Variants in RBPJL observed in about 807,000 individuals in gnomAD.
The protein encoded by RBPJL is recombination signal binding protein for immunoglobulin kappa J region like, also known as recombining binding protein suppressor of hairless-like protein.
In RBPJL, 50 loss-of-function variants were observed where a neutral mutation model predicts 57.6. The observed-to-expected ratio is 0.87, with a 90% CI of 0.69 to 1.10. RBPJL has a LOEUF of 1.10. Among genes scored for constraint, RBPJL ranks in the 50% least tolerant of loss-of-function variants. RBPJL has a pLI of 0.00. For missense variants in RBPJL, 684 were observed against 693.7 expected (o/e 0.99, Z 0.16); for synonymous variants, 303 against 294.4 (o/e 1.03, Z -0.30).
At position 45,316,976 on chromosome 20, in the gene RBPJL, C is replaced by T. The variant is rs141143704; in HGVS notation, c.*17C>T. 438 of 1,603,800 alleles carry T rather than the reference C, an allele frequency of 2.7e-4. 3 individuals carry two copies. The African/African-American group carries it at 5.5e-3, about 20-fold the overall frequency. On this transcript the variant is annotated 3_prime_UTR_variant, in exon 12 of 12. Coordinates refer to ENST00000343694, the MANE Select transcript of RBPJL (RefSeq NM_014276.4). ...CAGACTTAGGCGCGCCCGGTAGCCC[C>T]GGCTGCCCACCCTGGAGGGCTGCGC...
In RBPJL at chr20:45,312,307, G is replaced by C; in HGVS notation, c.531G>C (p.Gly177=). ...FRLVLRLVLR[G]GRELGTFHSR... ...TGGTGCTGCGGCTGGTGCTGCGCGGGGGCCGGGAGCTGGGTACCTTCCACA... is the reference window on the plus strand; with the variant it reads ...TGGTGCTGCGGCTGGTGCTGCGCGGCGGCCGGGAGCTGGGTACCTTCCACA... The change falls in exon 6 of 12, where the codon GGG becomes GGC. Residue 177 remains glycine, a synonymous_variant. Transcript: ENST00000343694. The C allele has an allele frequency of 1.9e-6, 3 of 1,614,182 alleles. No homozygotes were observed. Among genetic ancestry groups the C allele is most frequent in the South Asian group, 1.1e-5 (1 of 91,088 alleles).
At chr20:45,308,395 C>A in intron 2 of RBPJL, 144 bp downstream of exon 2, 1 of 610,746 alleles carries the variant, frequency 1.6e-6, no homozygotes. Context: ...GGGAGGGATC[C>A]CCCCTTCCTC....
intron 2 of RBPJL, among the ~76,000 whole-genome samples, chr20:45,309,304 C>G (rs1987014829): frequency 6.6e-6 from 1 of 152,202 alleles, no homozygotes; most frequent in African/African-American, 2.4e-5. Context: ...AGAGTGGAAC[C>G]TGGGTGGTCC....
At chr20:45,312,491 C>A (rs932362789) in intron 6 of RBPJL, 96 bp downstream of exon 6, 4 of 1,267,000 alleles carry the variant, frequency 3.2e-6, no homozygotes, top group Non-Finnish European at 3.3e-6. Flanking sequence ...GTAGGCTGGG[C>A]TTAGGGGTCA....
At chr20:45,314,286 G>A in intron 8 of RBPJL, 127 bp from the exon 9 acceptor site, 1 of 1,297,870 alleles carries the variant, frequency 7.7e-7, no homozygotes. Flanking sequence ...CCAGACAGAA[G>A]TCAAAGGGCA....
chr20:45,311,534 C>G, intron 3 of RBPJL, 55 bp from the exon 4 acceptor site: 1 of 1,560,130 alleles, frequency 6.4e-7, no homozygotes, highest in Non-Finnish European at 8.8e-7. Flanking sequence ...GCCGTGCTTA[C>G]AGGAGAGCCA....
At chr20:45,312,059 G>T in intron 5 of RBPJL, 105 bp downstream of exon 5, 1 of 1,428,952 alleles carries the variant, frequency 7.0e-7, no homozygotes. Context: ...TAGGTGGGGA[G>T]ACCGGGAGGC....
intron 3 of RBPJL, among the ~76,000 whole-genome samples, chr20:45,310,475 C>T (rs143200301): frequency 1.6e-3 from 244 of 152,150 alleles, no homozygotes; most frequent in African/African-American, 5.5e-3. Context: ...GGCATGGTGG[C>T]GGGCACCTGT....
At chr20:45,315,714 C>T (rs1240347104) in intron 9 of RBPJL, among the ~76,000 whole-genome samples, 2 of 145,076 alleles carry the variant, frequency 1.4e-5, no homozygotes, top group African/African-American at 5.1e-5. Context: ...GCACTCCAGC[C>T]TGGGCGACAG....
chr20:45,306,937 G>T lies in RBPJL; in HGVS notation c.15G>T (p.Gly5=). 2.4e-6 allele frequency: 3 copies of T among 1,256,402 alleles called. No individual in the cohort carries two copies. Among genetic ancestry groups the T allele is most frequent in the Non-Finnish European group, 3.0e-6 (3 of 992,442 alleles). The allele number at this position is 1,256,402 out of a possible 1,614,324, so 77.8% of individuals were successfully genotyped here. A position where few individuals can be genotyped will look rare whatever the true frequency, so the allele number is the denominator to read the frequency against. ...GTGGAGCCACCATGGACCCCGCAGG[G>T]GCAGCAGGTGAGCGCTTACCCTCCC... The part of the protein sequence containing the change: MDPA[G]AADPSVPPNP... Residue 5 remains glycine (G), a synonymous_variant, in exon 1 of 12, where the codon GGG becomes GGT. Transcript: ENST00000343694.
At chr20:45,315,210 G>A (rs1158095228) in intron 9 of RBPJL, among the ~76,000 whole-genome samples, 1 of 152,052 alleles carries the variant, frequency 6.6e-6, no homozygotes, top group Non-Finnish European at 1.5e-5. Context: ...CACAGAATGT[G>A]GAAAATTATA....
At position 45,312,197 on chromosome 20, in the gene RBPJL, G is replaced by T. The variant is rs753437954; in HGVS notation, c.445-24G>T. ...GACGGGGGAGGGCTGGGATGAGATGGCCCTGTACCTGTGAGCCCCCTAGGA... is the reference window on the plus strand; with the variant it reads ...GACGGGGGAGGGCTGGGATGAGATGTCCCTGTACCTGTGAGCCCCCTAGGA... On this transcript the variant is annotated intron_variant, in intron 5 of 11. Coordinates refer to ENST00000343694, the MANE Select transcript of RBPJL (RefSeq NM_014276.4). The T allele has an allele frequency of 3.1e-6, 5 of 1,613,870 alleles. No homozygotes were observed. In the South Asian group the frequency reaches 4.4e-5, roughly 14 times the overall value.
chr20:45,309,687 G>A lies in RBPJL; in HGVS notation c.252G>A (p.Glu84=). 1 of 1,613,622 alleles carries A rather than the reference G, an allele frequency of 6.2e-7. No homozygotes were observed. Among genetic ancestry groups the A allele is most frequent in the South Asian group, 1.1e-5 (1 of 90,960 alleles). The change falls in exon 3 of 12, where the codon GAG becomes GAA. Residue 84 remains glutamate, a synonymous_variant. Transcript: ENST00000343694. Reference sequence around the variant, plus strand: ...TGGCCCAGAAATCATACGGAAATGAGAAGCGGTAGGTGCCTCCGCAGCCCC... The same window carrying A: ...TGGCCCAGAAATCATACGGAAATGAAAAGCGGTAGGTGCCTCCGCAGCCCC... ...AKVAQKSYGN[E]KRFFCPPPCV...
chr20:45,316,556 A>G lies in RBPJL; in HGVS notation c.1256A>G (p.Asp419Gly). ...FHAGLKVWFG[D>G]VEAETMYRSP... is the part of the protein sequence containing the mutation. ...GCGGGGCTCAAGGTGTGGTTTGGGGACGTGGAGGCAGAAACCATGTACAGG... is the reference window on the plus strand; with the variant it reads ...GCGGGGCTCAAGGTGTGGTTTGGGGGCGTGGAGGCAGAAACCATGTACAGG... Residue 419 changes from aspartate (D) to glycine (G), a missense_variant, in exon 11 of 12, where the codon GAC becomes GGC. Coordinates refer to ENST00000343694, the MANE Select transcript of RBPJL (RefSeq NM_014276.4). 6.5e-7 allele frequency: 1 copy of G among 1,535,286 alleles called. No homozygotes were observed.
intron 2 of RBPJL, 105 bp from the exon 3 acceptor site, chr20:45,309,462 T>A: frequency 7.9e-7 from 1 of 1,272,238 alleles, no homozygotes; most frequent in Non-Finnish European, 1.1e-6. Context: ...CCACTCACTC[T>A]AACCCCCTGC....
chr20:45,316,302 T>C lies in RBPJL; in HGVS notation c.1136T>C (p.Leu379Pro). Residue 379 changes from leucine (L) to proline (P), a missense_variant, in exon 10 of 12, where the codon CTG becomes CCG. Leu to Pro is a moderately conservative substitution (Grantham distance 98, BLOSUM62 -3). Coordinates refer to ENST00000343694, the MANE Select transcript of RBPJL (RefSeq NM_014276.4). Reference protein sequence around the residue: ...FSFSTSLACTLEPVTPVPLIS... With the variant: ...FSFSTSLACTPEPVTPVPLIS... ...TTCAGCACCAGCCTGGCGTGTACCC[T>C]GGAGCCGGTCACTCCGGTGCCTCTC... 2 of 1,614,184 alleles carry C rather than the reference T, an allele frequency of 1.2e-6. No individual in the cohort carries two copies. The highest frequency in any genetic ancestry group is 1.7e-6 in the Non-Finnish European group (2 of 1,179,992).
rs1986729643 is a variant in RBPJL at position 45,306,851 on chromosome 20, G to A, written c.-72G>A. On this transcript the variant is annotated 5_prime_UTR_variant, in exon 1 of 12. Transcript: ENST00000343694. ...AGAGCCGAGGAGCAGGGGTGTGCAG[G>A]GTTCCAGCGACAGCAGCACTGGACT... is the stretch of plus-strand genomic sequence containing the variant. 3.5e-6 allele frequency: 4 copies of A among 1,141,746 alleles called. No individual in the cohort carries two copies. The Admixed American group carries it at 1.7e-4, about 48-fold the overall frequency. 70.7% of individuals were successfully genotyped at this position (1,141,746 alleles called of 1,614,324 possible).
rs374737306 is a variant in RBPJL, at chr20:45,313,576, G to A, written c.728G>A (p.Arg243Gln). 3.0e-5 allele frequency: 48 copies of A among 1,612,638 alleles called. No individual in the cohort carries two copies. The highest frequency in any genetic ancestry group is 3.6e-5 in the Non-Finnish European group (43 of 1,179,250). Residue 243 changes from arginine to glutamine, a missense_variant, in exon 7 of 12, where the codon CGA (arginine) becomes CAA (glutamine). Transcript: ENST00000343694. ...GATGGGGCCTTTGTGGCCAGTGCAC[G>A]ACAGTGGGCTGCCTTCACGCTCCAC... is the stretch of plus-strand genomic sequence containing the variant. ...VEDGAFVASA[R>Q]QWAAFTLHLA...
Position 45,312,408 on chromosome 20 carries a change from G to A in RBPJL, c.619+13G>A. On this transcript the variant is annotated intron_variant, in intron 6 of 11. Transcript: ENST00000343694. ...AAAAACACCGATCGTGAGCAGGGCGGGGCCTGACCCCCGGCCCGGGCGGGG... is the reference window on the plus strand; with the variant it reads ...AAAAACACCGATCGTGAGCAGGGCGAGGCCTGACCCCCGGCCCGGGCGGGG... 6.2e-7 allele frequency: 1 copy of A among 1,608,636 alleles called. No homozygotes were observed. The highest frequency in any genetic ancestry group is 8.5e-7 in the Non-Finnish European group (1 of 1,177,314).
Sources: gnomAD v4.1 joint callset for allele counts (sites outside exome capture counted in the v4.1 genomes callset) on GRCh38, gnomAD v4.1.1 for gene constraint, MANE v1.5 for transcripts, NCBI Gene and HGNC (gene_info 2026-07-23, HGNC 2026-07-21) for gene names.